NUDT3: variants seen among roughly 807,000 people sequenced by gnomAD.
The protein encoded by NUDT3 is diphosphoinositol polyphosphate phosphohydrolase 1.
A neutral mutation model predicts 23.6 loss-of-function variants in NUDT3; 9 were observed. That is an observed-to-expected ratio of 0.38 (90% CI 0.23 to 0.66). NUDT3 has a LOEUF of 0.66. Ranked by LOEUF, NUDT3 falls within the 30% of genes least tolerant of loss-of-function variation. The pLI, the probability that NUDT3 is intolerant of heterozygous loss-of-function variation, is 0.52. For synonymous variants in NUDT3, 86 were observed against 82.6 expected, an observed-to-expected ratio of 1.04 and a Z score of -0.22; for missense variants, 172 against 218.5, an observed-to-expected ratio of 0.79 and a Z score of 1.34.
intron 3 of NUDT3, among the ~76,000 whole-genome samples, chr6:34,294,028 C>A (rs1256980537): frequency 6.6e-6 from 1 of 152,178 alleles, no homozygotes; most frequent in Non-Finnish European, 1.5e-5. Flanking sequence ...TACTTTGTCA[C>A]CTACGGTAGA....
intron 1 of NUDT3, among the ~76,000 whole-genome samples, chr6:34,348,248 T>G (rs1764410419): frequency 6.6e-6 from 1 of 151,704 alleles, no homozygotes; most frequent in African/African-American, 2.4e-5. Context: ...ATTACATGAC[T>G]GCATTCCAGC....
chr6:34,357,101 A>G (rs1465621274), intron 1 of NUDT3, among the ~76,000 whole-genome samples: 2 of 152,174 alleles, frequency 1.3e-5, no homozygotes, highest in South Asian at 2.1e-4. Context: ...TTTTAAAGAC[A>G]GTATTCTGTT....
chr6:34,350,549 G>GT (rs1561914862), intron 1 of NUDT3, among the ~76,000 whole-genome samples: 1 of 150,890 alleles, frequency 6.6e-6, no homozygotes, highest in Non-Finnish European at 1.5e-5. Context: ...CCCATAAAAT[G>GT]TTTAAAAGAT....
intron 1 of NUDT3, among the ~76,000 whole-genome samples, chr6:34,378,480 G>A (rs1764962428): frequency 6.6e-6 from 1 of 152,200 alleles, no homozygotes; most frequent in Non-Finnish European, 1.5e-5. Flanking sequence ...TTGGTTGCAA[G>A]CAACAAAGCC....
intron 1 of NUDT3, among the ~76,000 whole-genome samples, chr6:34,380,387 C>G (rs1453837705): frequency 6.6e-6 from 1 of 152,068 alleles, no homozygotes; most frequent in East Asian, 1.9e-4. Flanking sequence ...GGATCTTGCT[C>G]TGTCACCCAG....
chr6:34,380,053 T>C (rs1484852072), intron 1 of NUDT3, among the ~76,000 whole-genome samples: 1 of 152,106 alleles, frequency 6.6e-6, no homozygotes, highest in African/African-American at 2.4e-5. Context: ...TTTTCTTTTA[T>C]GCAGTAAAGT....
At chr6:34,370,150 G>A (rs1225616058) in intron 1 of NUDT3, among the ~76,000 whole-genome samples, 1 of 152,170 alleles carries the variant, frequency 6.6e-6, no homozygotes, top group East Asian at 1.9e-4. Flanking sequence ...ATTTGCACCT[G>A]CCCTAATGGA....
At chr6:34,294,285 C>T (rs1437741456) in intron 3 of NUDT3, among the ~76,000 whole-genome samples, 4 of 151,796 alleles carry the variant, frequency 2.6e-5, no homozygotes, top group African/African-American at 7.3e-5. Context: ...CACACCCAGC[C>T]AATTTTTGTA....
At chr6:34,368,059 G>A (rs1317665867) in intron 1 of NUDT3, among the ~76,000 whole-genome samples, 2 of 152,098 alleles carry the variant, frequency 1.3e-5, no homozygotes, top group East Asian at 1.9e-4. Flanking sequence ...AAATTATCCC[G>A]GCGTGGTGGC....
rs57832381 is a variant in NUDT3 at position 34,319,039 on chromosome 6, TA to T, written c.210+22822del. On this transcript the variant is annotated intron_variant, in intron 2 of 4. Coordinates refer to ENST00000607016, the MANE Select transcript of NUDT3 (RefSeq NM_006703.4). ...TTCTAGGAAAACAGAGCTGGGACAG[TA>T]AAAAAAAAAAAGGGCTGGGATGGTA... 5.1e-3 allele frequency among the ~76,000 whole-genome samples: 720 copies of T among 140,252 alleles called. 2 individuals are homozygous for T. The highest frequency in any genetic ancestry group is 0.014 in the East Asian group (71 of 4,954). The allele number at this position is 140,252 out of a possible 152,430, so 92.0% of individuals were successfully genotyped here. A position where few individuals can be genotyped will look rare whatever the true frequency, so the allele number is the denominator to read the frequency against.
At chr6:34,308,196 A>G (rs1763713442) in intron 2 of NUDT3, among the ~76,000 whole-genome samples, 1 of 136,450 alleles carries the variant, frequency 7.3e-6, no homozygotes. Context: ...GGTGGCTCAC[A>G]CCAGTAATCC....
intron 2 of NUDT3, among the ~76,000 whole-genome samples, chr6:34,321,449 T>C (rs1763940993): frequency 6.6e-6 from 1 of 151,702 alleles, no homozygotes; most frequent in South Asian, 2.1e-4. Flanking sequence ...AAAATAATAA[T>C]AATAATAAAA....
chr6:34,309,133 C>G (rs1327155547), intron 2 of NUDT3, among the ~76,000 whole-genome samples: 1 of 152,024 alleles, frequency 6.6e-6, no homozygotes, highest in South Asian at 2.1e-4. Context: ...GTAATCCCAG[C>G]ATTTTGGGAG....
At position 34,392,542 on chromosome 6, in the gene NUDT3, G is replaced by C; in HGVS notation, c.-180C>G. The stretch of plus-strand genomic sequence containing the variant: ...CGGCCGCCTCATTCCCCCAGGCCCA[G>C]GTCCCGCGCCGCCGCTGCCACCGTC... On this transcript the variant is annotated 5_prime_UTR_variant, in exon 1 of 5. Transcript: ENST00000607016. The C allele has an allele frequency of 2.5e-6, 1 of 405,704 alleles. No individual in the cohort carries two copies. The highest frequency in any genetic ancestry group is 2.1e-5 in the African/African-American group (1 of 47,450). The allele number at this position is 405,704 out of a possible 1,614,324, so 25.1% of individuals were successfully genotyped here.
At chr6:34,336,410 C>T (rs748247170) in intron 2 of NUDT3, among the ~76,000 whole-genome samples, 59 of 152,104 alleles carry the variant, frequency 3.9e-4, no homozygotes, top group Non-Finnish European at 7.1e-4. Flanking sequence ...ATCATTTGCA[C>T]ATTTAATACT....
chr6:34,376,794 C>T (rs1300590363), intron 1 of NUDT3, among the ~76,000 whole-genome samples: 1 of 152,110 alleles, frequency 6.6e-6, no homozygotes, highest in Non-Finnish European at 1.5e-5. Flanking sequence ...AACTGTGGTT[C>T]CCCACTGTAG....
chr6:34,365,765 G>A (rs1054887981), intron 1 of NUDT3, among the ~76,000 whole-genome samples: 2 of 152,136 alleles, frequency 1.3e-5, no homozygotes, highest in East Asian at 1.9e-4. Context: ...AATACAGGCC[G>A]GGTACGGGGC....
rs552458362 is a variant in NUDT3 at position 34,365,730 on chromosome 6, C to T, written c.100-23758G>A. Among the ~76,000 whole-genome samples, 23 of 152,206 alleles carry T rather than the reference C, an allele frequency of 1.5e-4. No homozygotes were observed. In the East Asian group the frequency reaches 4.5e-3, roughly 30 times the overall value. ...GAGTTCGAGACGAGTCTGGGTCACA[C>T]AGCAAGAACTCATCTCTGAAAATAA... is the stretch of plus-strand genomic sequence containing the variant. On this transcript the variant is annotated intron_variant, in intron 1 of 4. Transcript: ENST00000607016.
intron 1 of NUDT3, among the ~76,000 whole-genome samples, chr6:34,357,381 G>C (rs1232421257): frequency 6.6e-6 from 1 of 151,254 alleles, no homozygotes; most frequent in Non-Finnish European, 1.5e-5. Flanking sequence ...ACTTTGGGAG[G>C]CCAGGTGGAC....
Sources: gnomAD v4.1 joint callset for allele counts (sites outside exome capture counted in the v4.1 genomes callset) on GRCh38, gnomAD v4.1.1 for gene constraint, MANE v1.5 for transcripts, NCBI Gene and HGNC (gene_info 2026-07-23, HGNC 2026-07-21) for gene names.